Variants in PKD2 observed in about 807,000 individuals in gnomAD.
PKD2 encodes the protein polycystin 2, transient receptor potential cation channel, also known as polycystin-2.
PKD2 carries 48 observed loss-of-function variants against 105.9 expected under a neutral mutation model. The observed-to-expected ratio is 0.45, with a 90% CI of 0.36 to 0.58. The LOEUF is 0.58. Ranked by LOEUF, PKD2 falls within the 20% of genes least tolerant of loss-of-function variation. The pLI is 0.00. For synonymous variants in PKD2, 464 were observed against 481.1 expected (o/e 0.96, Z 0.46); for missense variants, 1,078 against 1,255.3 (o/e 0.86, Z 2.13).
chr4:88,041,812 A>G (rs1727575414), intron 4 of PKD2, among the ~76,000 whole-genome samples: 1 of 152,202 alleles, frequency 6.6e-6, no homozygotes, highest in Non-Finnish European at 1.5e-5. Context: ...TTATCAGTCA[A>G]GTTCCCAGAT....
intron 4 of PKD2, 35 bp from the exon 5 acceptor site, chr4:88,043,198 G>A (rs1374224815): frequency 1.5e-6 from 2 of 1,328,560 alleles, no homozygotes; most frequent in South Asian, 1.2e-5. Flanking sequence ...TCCACTGATT[G>A]TAACTGTTTG....
chr4:88,065,826 G>A lies in PKD2; in HGVS notation c.2305G>A (p.Glu769Lys), dbSNP rs1255557802. Residue 769 changes from glutamate (E) to lysine (K), a missense_variant, in exon 12 of 15, where the codon GAA (glutamate) becomes AAA (lysine). Physicochemically the swap from Glu to Lys is moderately conservative, Grantham distance 56 (BLOSUM62 1). Transcript: ENST00000237596. ...AAAGTACGACCAAGATGGAGACCAAGAACTGACCGAACATGAACATCAGCA... is the reference window on the plus strand; with the variant it reads ...AAAGTACGACCAAGATGGAGACCAAAAACTGACCGAACATGAACATCAGCA... Reference protein sequence around the residue: ...FTKYDQDGDQELTEHEHQQMR... With the variant: ...FTKYDQDGDQKLTEHEHQQMR... 23 of 1,613,696 alleles carry A rather than the reference G, an allele frequency of 1.4e-5. No individual in the cohort carries two copies. The highest frequency in any genetic ancestry group is 1.9e-5 in the Non-Finnish European group (22 of 1,179,762).
At position 88,075,631 on chromosome 4, in the gene PKD2, C is replaced by T; in HGVS notation, c.2844C>T (p.Ser948=). 6.2e-7 allele frequency: 1 copy of T among 1,614,166 alleles called. No homozygotes were observed. The highest frequency in any genetic ancestry group is 8.5e-7 in the Non-Finnish European group (1 of 1,180,008). Residue 948 remains serine, a synonymous_variant, in exon 15 of 15, where the codon TCC becomes TCT. Transcript: ENST00000237596. ...GCCCCAGAAGCTCCCGCCCATCTTC[C>T]TCCCAATCTACAGAAGGCATGGAAG... ...QPRPRSSRPS[S]SQSTEGMEGA... is the part of the protein sequence containing the mutation.
intron 5 of PKD2, 145 bp from the exon 6 acceptor site, chr4:88,046,497 A>C (rs1560613815): frequency 2.9e-6 from 2 of 694,862 alleles, no homozygotes; most frequent in East Asian, 5.4e-5. Context: ...AGCTATGATA[A>C]AAATGTTTTG....
chr4:88,040,057 AGTT>A, intron 4 of PKD2, among the ~76,000 whole-genome samples: 1 of 152,208 alleles, frequency 6.6e-6, no homozygotes. Flanking sequence ...TTATTTAAGA[AGTT>A]ATTTCACGCA....
At chr4:88,040,224 C>T (rs1190804570) in intron 4 of PKD2, among the ~76,000 whole-genome samples, 1 of 152,118 alleles carries the variant, frequency 6.6e-6, no homozygotes, top group African/African-American at 2.4e-5. Flanking sequence ...CATGTTTCGC[C>T]TACTAAACCT....
intron 10 of PKD2, among the ~76,000 whole-genome samples, chr4:88,064,888 T>C (rs996428105): frequency 9.9e-5 from 15 of 152,020 alleles, no homozygotes; most frequent in Admixed American, 4.6e-4. Context: ...TAAGATCCTG[T>C]CTCAAAAAAA....
At chr4:88,070,599 TATAGAGAGAGAGAG>T (rs1413640361) in intron 13 of PKD2, among the ~76,000 whole-genome samples, 1 of 98,292 alleles carries the variant, frequency 1.0e-5, no homozygotes, top group African/African-American at 3.9e-5. Flanking sequence ...TATATATATA[TATAGAGAGAGAGAG>T]AGAGAGAGAG....
At chr4:88,030,250 T>TC (rs1325476679) in intron 2 of PKD2, among the ~76,000 whole-genome samples, 4 of 152,058 alleles carry the variant, frequency 2.6e-5, no homozygotes, top group Non-Finnish European at 5.9e-5. Context: ...GCTCAAGAGA[T>TC]CCTCCTGCCT....
chr4:88,036,470 C>T lies in PKD2; in HGVS notation c.843+117C>T, dbSNP rs556061696. On this transcript the variant is annotated intron_variant, in intron 3 of 14. Coordinates refer to ENST00000237596, the MANE Select transcript of PKD2 (RefSeq NM_000297.4). ...GCTTTGCATTTAACACTGTGTGAGA[C>T]GTAAGTTATGGTGAGTTGTTAGAAG... 59 of 1,540,482 alleles carry T rather than the reference C, an allele frequency of 3.8e-5. No homozygotes were observed. The South Asian group carries it at 5.0e-4, about 13-fold the overall frequency.
In PKD2 at chr4:88,023,485, A is replaced by G. The variant is rs150619020; in HGVS notation, c.709+3914A>G. 2.1e-3 allele frequency among the ~76,000 whole-genome samples: 317 copies of G among 152,330 alleles called. 1 individual carries two copies. The highest frequency in any genetic ancestry group is 6.9e-3 in the African/African-American group (286 of 41,564). On this transcript the variant is annotated intron_variant, in intron 2 of 14. Transcript: ENST00000237596. ...GATTATGTTTCAACATGAGATTTGG[A>G]TGGGGACAACATCCAAACTATATCA...
Position 88,076,662 on chromosome 4 carries a change from A to G in PKD2, c.*968A>G, listed in dbSNP as rs531591196. ...AAATTTTAAGAAAGTTTTGAAATTCATAAAGCATTTGGTTTTAAACTATTT... is the reference window on the plus strand; with the variant it reads ...AAATTTTAAGAAAGTTTTGAAATTCGTAAAGCATTTGGTTTTAAACTATTT... On this transcript the variant is annotated 3_prime_UTR_variant, in exon 15 of 15. Transcript: ENST00000237596. 9 of 152,346 alleles carry G rather than the reference A, an allele frequency of 5.9e-5. No homozygotes were observed. The East Asian group carries it at 1.5e-3, about 26-fold the overall frequency. 9.4% of individuals were successfully genotyped at this position (152,346 alleles called of 1,614,324 possible).
chr4:88,008,030 G>T lies in PKD2; in HGVS notation c.297G>T (p.Glu99Asp). 1.3e-6 allele frequency: 2 copies of T among 1,522,142 alleles called. No homozygotes were observed. The highest frequency in any genetic ancestry group is 2.0e-5 in the Admixed American group (1 of 49,438). 94.3% of individuals were successfully genotyped at this position (1,522,142 alleles called of 1,614,324 possible). A position where few individuals can be genotyped will look rare whatever the true frequency, so the allele number is the denominator to read the frequency against. Residue 99 changes from glutamate (E) to aspartate (D), a missense_variant, in exon 1 of 15, where the codon GAG (glutamate) becomes GAT (aspartate). Glu to Asp is a conservative substitution (Grantham distance 45). This residue lies in a region of PKD2 where 210 missense variants were observed against 187.9 expected (regional missense o/e 1.12). Coordinates refer to ENST00000237596, the MANE Select transcript of PKD2 (RefSeq NM_000297.4). ...RDNPGFEAEEEEEEVEGEEGG... is the reference protein window; with the variant it reads ...RDNPGFEAEEDEEEVEGEEGG... ...ACCCCGGCTTCGAGGCCGAGGAGGA[G>T]GAGGAGGAGGTGGAAGGGGAAGAAG...
At chr4:88,057,636 A>G (rs1578142656) in intron 8 of PKD2, among the ~76,000 whole-genome samples, 1 of 151,810 alleles carries the variant, frequency 6.6e-6, no homozygotes, top group East Asian at 1.9e-4. Flanking sequence ...GGGTTTCACT[A>G]TATTGGCCAG....
intron 1 of PKD2, among the ~76,000 whole-genome samples, chr4:88,013,737 T>A (rs1328906076): frequency 2.0e-5 from 3 of 150,804 alleles, no homozygotes; most frequent in Admixed American, 2.0e-4. Context: ...AGGATCAGAT[T>A]TACCTGGAGA....
At position 88,065,551 on chromosome 4, in the gene PKD2, CT is replaced by C. The variant is rs1310885334; in HGVS notation, c.2240+57del. The C allele has an allele frequency of 7.6e-6, 12 of 1,573,130 alleles. No homozygotes were observed. In the Admixed American group the frequency reaches 2.0e-4, roughly 26 times the overall value. On this transcript the variant is annotated intron_variant, in intron 11 of 14. Coordinates refer to ENST00000237596, the MANE Select transcript of PKD2 (RefSeq NM_000297.4). ...AATTCCTGCTTCTAAAGATAAATTC[CT>C]GGTGATAAGAGTATTTCTAGCCCAA...
At chr4:88,010,982 A>G (rs1726363477) in intron 1 of PKD2, among the ~76,000 whole-genome samples, 1 of 152,224 alleles carries the variant, frequency 6.6e-6, no homozygotes, top group South Asian at 2.1e-4. Context: ...GAGCAGGAAC[A>G]GAACATGCTG....
intron 2 of PKD2, among the ~76,000 whole-genome samples, chr4:88,032,165 ATTCTT>A (rs1041263798): frequency 1.8e-4 from 28 of 151,798 alleles, no homozygotes; most frequent in African/African-American, 5.8e-4. Context: ...TTCCATTTCT[ATTCTT>A]TTGTTAGACT....
At chr4:88,051,955 AAC>A (rs760530043) in intron 6 of PKD2, 34 bp from the exon 7 acceptor site, 6 of 1,213,870 alleles carry the variant, frequency 4.9e-6, no homozygotes, top group African/African-American at 1.5e-5. Flanking sequence ...ATATTTCTAA[AAC>A]ACTGTAATAA....
Sources: allele counts gnomAD v4.1 joint callset (sites outside exome capture counted in the v4.1 genomes callset), GRCh38; gene constraint gnomAD v4.1.1; regional missense constraint gnomAD v4.1.1; transcripts MANE v1.5; gene names NCBI Gene and HGNC (gene_info 2026-07-23, HGNC 2026-07-21).